Variants in KCNK5 observed in about 807,000 individuals in gnomAD.
KCNK5 encodes potassium two pore domain channel subfamily K member 5, also known as potassium channel subfamily K member 5.
A neutral mutation model predicts 32.9 loss-of-function variants in KCNK5; 18 were observed. The ratio of observed to expected loss-of-function variants is 0.55; its 90% confidence interval spans 0.38 to 0.81. KCNK5 has a LOEUF of 0.81. Among genes scored for constraint, KCNK5 ranks in the 30% least tolerant of loss-of-function variants. The pLI is 0.00. For synonymous variants in KCNK5, 276 were observed against 275.3 expected (o/e 1.00, Z -0.03); for missense variants, 507 against 651.0 (o/e 0.78, Z 2.41).
chr6:39,204,623 G>A (rs1038186812), intron 1 of KCNK5, among the ~76,000 whole-genome samples: 15 of 152,332 alleles, frequency 9.8e-5, no homozygotes, highest in African/African-American at 3.4e-4. Context: ...CTTGAACTGC[G>A]AACCAGGATG....
At chr6:39,201,465 G>A (rs1035008957) in intron 1 of KCNK5, among the ~76,000 whole-genome samples, 1 of 151,970 alleles carries the variant, frequency 6.6e-6, no homozygotes, top group Non-Finnish European at 1.5e-5. Context: ...CGGTCAGGCT[G>A]GTCTCAAACT....
chr6:39,223,930 C>G (rs1189692709), intron 1 of KCNK5, among the ~76,000 whole-genome samples: 2 of 152,188 alleles, frequency 1.3e-5, no homozygotes, highest in Admixed American at 6.5e-5. Flanking sequence ...TGGAAACTTT[C>G]AACACTTGCT....
At position 39,228,973 on chromosome 6, in the gene KCNK5, T is replaced by C; in HGVS notation, c.139A>G (p.Lys47Glu). 6.2e-7 allele frequency: 1 copy of C among 1,614,182 alleles called. No individual in the cohort carries two copies. Among genetic ancestry groups the C allele is most frequent in the Non-Finnish European group, 8.5e-7 (1 of 1,180,022 alleles). Residue 47 changes from lysine (K) to glutamate (E), a missense_variant, in exon 1 of 5, where the codon AAG (lysine) becomes GAG (glutamate). Coordinates refer to ENST00000359534, the MANE Select transcript of KCNK5 (RefSeq NM_003740.4). ...TCCTGACCCAGGCACGGGAACTCCT[T>C]GAGCAGATGCAGCTTCTGTGTGTAG... ...NYYTQKLHLL[K>E]EFPCLGQEGL... is the part of the protein sequence containing the mutation.
At chr6:39,226,518 CTT>C (rs1224285556) in intron 1 of KCNK5, among the ~76,000 whole-genome samples, 2 of 152,312 alleles carry the variant, frequency 1.3e-5, no homozygotes, top group East Asian at 3.9e-4. Flanking sequence ...TTCCAACAAT[CTT>C]TGTCCCACCC....
intron 1 of KCNK5, among the ~76,000 whole-genome samples, chr6:39,223,781 G>A (rs545096629): frequency 3.9e-5 from 6 of 152,286 alleles, no homozygotes; most frequent in Admixed American, 1.3e-4. Context: ...CCTTTGGCCC[G>A]AGGTCAGGGC....
At chr6:39,227,098 C>T (rs537310256) in intron 1 of KCNK5, among the ~76,000 whole-genome samples, 10 of 152,122 alleles carry the variant, frequency 6.6e-5, no homozygotes, top group Admixed American at 5.9e-4. Flanking sequence ...GGCTGCCTAA[C>T]CCCTGGACCC....
In KCNK5 at chr6:39,191,843, G is replaced by T; in HGVS notation, c.635-88C>A. ...CCAATGCTGTGTGATCTGAGCAGGG[G>T]TCAGGCCAGAGCACAGGACGGGGGT... On this transcript the variant is annotated intron_variant, in intron 4 of 4. Transcript: ENST00000359534. The surrounding 1 kb of genome is among the most constrained non-coding windows in gnomAD (Gnocchi z 5.8). 1 of 1,427,986 alleles carries T rather than the reference G, an allele frequency of 7.0e-7. No homozygotes were observed. 88.5% of individuals were successfully genotyped at this position (1,427,986 alleles called of 1,614,324 possible).
rs1336659724 is a variant in KCNK5 at position 39,190,792 on chromosome 6, G to GC, written c.*97dup. On this transcript the variant is annotated 3_prime_UTR_variant, in exon 5 of 5. Coordinates refer to ENST00000359534, the MANE Select transcript of KCNK5 (RefSeq NM_003740.4). ...GCCCCCCACTCCCAGTTCCGAGGCT[G>GC]CCCCCCCACCAGGGGCCAGGCGTCC... is the stretch of plus-strand genomic sequence containing the variant. 3.0e-5 allele frequency: 38 copies of GC among 1,252,416 alleles called. No individual in the cohort carries two copies. The highest frequency in any genetic ancestry group is 1.3e-4 in the Admixed American group (4 of 31,114). 77.6% of individuals were successfully genotyped at this position (1,252,416 alleles called of 1,614,324 possible).
At chr6:39,192,870 T>G (rs1770965186) in intron 4 of KCNK5, among the ~76,000 whole-genome samples, 1 of 152,202 alleles carries the variant, frequency 6.6e-6, no homozygotes, top group South Asian at 2.1e-4. Flanking sequence ...AGAAGGGACC[T>G]GGAGGAAGGG....
intron 1 of KCNK5, among the ~76,000 whole-genome samples, chr6:39,218,955 G>T (rs1219465490): frequency 6.6e-6 from 1 of 152,212 alleles, no homozygotes; most frequent in Non-Finnish European, 1.5e-5. Context: ...CAGAGAGGCA[G>T]GGACCAGGGC....
chr6:39,220,779 C>T (rs1771531462), intron 1 of KCNK5, among the ~76,000 whole-genome samples: 1 of 152,180 alleles, frequency 6.6e-6, no homozygotes, highest in Admixed American at 6.5e-5. Flanking sequence ...CACAGAGGAA[C>T]TGGGTACAGG....
chr6:39,224,284 T>C (rs184158937), intron 1 of KCNK5, among the ~76,000 whole-genome samples: 1 of 152,294 alleles, frequency 6.6e-6, no homozygotes, highest in African/African-American at 2.4e-5. Context: ...AAAAGAGCTA[T>C]TGTGTTCCTT....
intron 1 of KCNK5, among the ~76,000 whole-genome samples, chr6:39,201,970 A>G (rs1401318638): frequency 3.9e-5 from 6 of 152,110 alleles, no homozygotes; most frequent in Non-Finnish European, 5.9e-5. Context: ...CTATCTAGAG[A>G]CGGGGGTGAA....
chr6:39,189,839 A>G lies in KCNK5; in HGVS notation c.*1051T>C, dbSNP rs1295126534. The G allele has an allele frequency of 6.6e-6, 1 of 152,548 alleles. No homozygotes were observed. Among genetic ancestry groups the G allele is most frequent in the Non-Finnish European group, 1.5e-5 (1 of 68,078 alleles). The allele number at this position is 152,548 out of a possible 1,614,324, so 9.4% of individuals were successfully genotyped here. On this transcript the variant is annotated 3_prime_UTR_variant, in exon 5 of 5. Coordinates refer to ENST00000359534, the MANE Select transcript of KCNK5 (RefSeq NM_003740.4). ...AGCTTGATTCACATATCTGACCATC[A>G]CCCATTTGTGGGCCAAGAGCAATTT...
At chr6:39,201,649 C>T (rs1477320198) in intron 1 of KCNK5, among the ~76,000 whole-genome samples, 2 of 152,200 alleles carry the variant, frequency 1.3e-5, no homozygotes, top group Non-Finnish European at 2.9e-5. Context: ...CTCTTATGTG[C>T]GTGTGCTTGG....
In KCNK5 at chr6:39,191,207, G is replaced by A; in HGVS notation, c.1183C>T (p.Leu395=). 1 of 1,614,192 alleles carries A rather than the reference G, an allele frequency of 6.2e-7. No individual in the cohort carries two copies. The highest frequency in any genetic ancestry group is 8.5e-7 in the Non-Finnish European group (1 of 1,180,042). ...SPAPEVFMNQ[L]DRISEECEPW... ...TCGCATTCCTCGCTGATGCGGTCCA[G>A]CTGGTTCATGAACACCTCGGGGGCA... The change falls in exon 5 of 5, where the codon CTG becomes TTG. Residue 395 remains leucine, a synonymous_variant. Coordinates refer to ENST00000359534, the MANE Select transcript of KCNK5 (RefSeq NM_003740.4). This position sits in a 1 kb window ranked among gnomAD's most constrained non-coding sequence, Gnocchi z 5.8.
chr6:39,223,747 A>G (rs1771601457), intron 1 of KCNK5, among the ~76,000 whole-genome samples: 1 of 152,244 alleles, frequency 6.6e-6, no homozygotes, highest in Non-Finnish European at 1.5e-5. Context: ...ATCTGCCAGC[A>G]AACAGCCAAG....
chr6:39,203,641 C>T (rs1473270237), intron 1 of KCNK5, among the ~76,000 whole-genome samples: 4 of 152,194 alleles, frequency 2.6e-5, no homozygotes, highest in Non-Finnish European at 4.4e-5. Flanking sequence ...CTCCCAGCCC[C>T]CACCCAGCGT....
intron 1 of KCNK5, among the ~76,000 whole-genome samples, chr6:39,199,654 C>T (rs1771095782): frequency 6.6e-6 from 1 of 152,172 alleles, no homozygotes; most frequent in Non-Finnish European, 1.5e-5. Flanking sequence ...TCTGCAAGTT[C>T]AAGCCTCCCT....
Sources: allele counts gnomAD v4.1 joint callset (sites outside exome capture counted in the v4.1 genomes callset), GRCh38; gene constraint gnomAD v4.1.1; non-coding constraint Gnocchi (gnomAD v3.1); transcripts MANE v1.5; gene names NCBI Gene and HGNC (gene_info 2026-07-23, HGNC 2026-07-21).